Variants in NOPCHAP1 observed in about 807,000 individuals in gnomAD.
NOPCHAP1 encodes DNA damage-sensitive RNA 1.
NOPCHAP1 carries 13 observed loss-of-function variants against 14.0 expected under a neutral mutation model. That is an observed-to-expected ratio of 0.93 (90% confidence interval 0.60 to 1.47). The LOEUF is 1.47. Ranked by LOEUF, NOPCHAP1 falls within the 40% of genes most tolerant of loss-of-function variation. NOPCHAP1 has a pLI of 0.00. For synonymous variants in NOPCHAP1, 78 were observed against 78.4 expected (o/e 1.00, Z 0.03); for missense variants, 230 against 226.9 (o/e 1.01, Z -0.09).
chr12:104,994,237 C>G (rs1408319489), intron 3 of NOPCHAP1, among the ~76,000 whole-genome samples: 3 of 152,128 alleles, frequency 2.0e-5, no homozygotes, highest in Non-Finnish European at 4.4e-5. Context: ...CCCAGCTACT[C>G]AGGAGGCTGA....
chr12:104,988,208 A>C lies in NOPCHAP1; in HGVS notation c.157A>C (p.Arg53=), dbSNP rs780586509. 1 of 1,613,276 alleles carries C rather than the reference A, an allele frequency of 6.2e-7. No homozygotes were observed. Among genetic ancestry groups the C allele is most frequent in the Non-Finnish European group, 8.5e-7 (1 of 1,179,526 alleles). Residue 53 remains arginine, a synonymous_variant, in exon 2 of 4, where the codon AGA becomes CGA. Transcript: ENST00000552951. ...GCTCATCAACTCCCAACCTAAGTCC[A>C]GAAAGACCTCCACTCTTCAAACAGT... The part of the protein sequence containing the change: ...RLLINSQPKS[R]KTSTLQTVRI...
Position 105,007,889 on chromosome 12 carries a change from C to CT in NOPCHAP1, c.*13196dup, listed in dbSNP as rs1249712064. On this transcript the variant is annotated 3_prime_UTR_variant, in exon 4 of 4. Transcript: ENST00000552951. ...CCATGGTGTACATATGCCACATTTT[C>CT]TTTATCTAGTCTATCACTGATGGGC... is the stretch of plus-strand genomic sequence containing the variant. 3 of 152,218 alleles carry CT rather than the reference C, an allele frequency of 2.0e-5. No homozygotes were observed. The highest frequency in any genetic ancestry group is 7.2e-5 in the African/African-American group (3 of 41,442). 9.4% of individuals were successfully genotyped at this position (152,218 alleles called of 1,614,324 possible).
intron 1 of NOPCHAP1, 125 bp from the exon 2 acceptor site, chr12:104,988,042 A>C: frequency 3.2e-6 from 2 of 634,778 alleles, no homozygotes; most frequent in Non-Finnish European, 5.4e-6. Context: ...TCTCCTTTAA[A>C]AAAAAAATTT....
rs1454543414 is a variant in NOPCHAP1, at chr12:105,016,213, A to G, written c.*21517A>G. ...CGGATATCTCAGTAGTGAAAAGACT[A>G]TAGGAAATGAAGAAGTAATTCACAG... On this transcript the variant is annotated 3_prime_UTR_variant, in exon 4 of 4. Transcript: ENST00000552951. The G allele has an allele frequency of 1.3e-5, 2 of 151,914 alleles. No homozygotes were observed. Among genetic ancestry groups the G allele is most frequent in the African/African-American group, 2.4e-5 (1 of 41,176 alleles). 9.4% of individuals were successfully genotyped at this position (151,914 alleles called of 1,614,324 possible). A position where few individuals can be genotyped will look rare whatever the true frequency, so the allele number is the denominator to read the frequency against.
chr12:105,001,052 T>A lies in NOPCHAP1; in HGVS notation c.*6356T>A, dbSNP rs892007256. On this transcript the variant is annotated 3_prime_UTR_variant, in exon 4 of 4. Transcript: ENST00000552951. ...TAACTTTACCAATTTCAGTTTAAAGTTTCATTTGTTCTTTTGAGCTTTCCA... is the reference window on the plus strand; with the variant it reads ...TAACTTTACCAATTTCAGTTTAAAGATTCATTTGTTCTTTTGAGCTTTCCA... 1.3e-5 allele frequency: 2 copies of A among 151,788 alleles called. No homozygotes were observed. The highest frequency in any genetic ancestry group is 2.9e-5 in the Non-Finnish European group (2 of 67,966). 9.4% of individuals were successfully genotyped at this position (151,788 alleles called of 1,614,324 possible). A position where few individuals can be genotyped will look rare whatever the true frequency, so the allele number is the denominator to read the frequency against.
At chr12:104,986,565 T>G in intron 1 of NOPCHAP1, 98 bp downstream of exon 1, 1 of 1,019,888 alleles carries the variant, frequency 9.8e-7, no homozygotes, top group Non-Finnish European at 1.4e-6. Flanking sequence ...CTGCCCGGGC[T>G]CCGTACCCTC....
Position 104,995,931 on chromosome 12 carries a change from A to G in NOPCHAP1, c.*1235A>G. The G allele has an allele frequency of 6.7e-6, 1 of 149,066 alleles. No homozygotes were observed. Among genetic ancestry groups the G allele is most frequent in the Non-Finnish European group, 1.5e-5 (1 of 67,296 alleles). The allele number at this position is 149,066 out of a possible 1,614,324, so 9.2% of individuals were successfully genotyped here. A position where few individuals can be genotyped will look rare whatever the true frequency, so the allele number is the denominator to read the frequency against. ...TCTCAATCTCCTGACCTCGTGTTCC[A>G]CCCTTCTTGACCTGCCAAAGTGTTG... On this transcript the variant is annotated 3_prime_UTR_variant, in exon 4 of 4. Coordinates refer to ENST00000552951, the MANE Select transcript of NOPCHAP1 (RefSeq NM_152318.3).
rs1184169984 is a variant in NOPCHAP1, at chr12:104,999,813, G to T, written c.*5117G>T. The T allele has an allele frequency of 6.6e-6, 1 of 152,414 alleles. No homozygotes were observed. Among genetic ancestry groups the T allele is most frequent in the Non-Finnish European group, 1.5e-5 (1 of 68,240 alleles). 9.4% of individuals were successfully genotyped at this position (152,414 alleles called of 1,614,324 possible). ...TGCTCAACTCACCCCTTTTCCAGGAGTCGGGGGCCAGGAACGAGTCTTAGT... is the reference window on the plus strand; with the variant it reads ...TGCTCAACTCACCCCTTTTCCAGGATTCGGGGGCCAGGAACGAGTCTTAGT... On this transcript the variant is annotated 3_prime_UTR_variant, in exon 4 of 4. Coordinates refer to ENST00000552951, the MANE Select transcript of NOPCHAP1 (RefSeq NM_152318.3).
rs1329112370 is a variant in NOPCHAP1 at position 105,016,069 on chromosome 12, T to C, written c.*21373T>C. 1 of 151,044 alleles carries C rather than the reference T, an allele frequency of 6.6e-6. No homozygotes were observed. Among genetic ancestry groups the C allele is most frequent in the Non-Finnish European group, 1.5e-5 (1 of 67,818 alleles). 9.4% of individuals were successfully genotyped at this position (151,044 alleles called of 1,614,324 possible). A position where few individuals can be genotyped will look rare whatever the true frequency, so the allele number is the denominator to read the frequency against. ...AGTGGAAAATTCATCCCCATAAATATTAAAAACTAGTGTGTTGCAAATAAA... is the reference window on the plus strand; with the variant it reads ...AGTGGAAAATTCATCCCCATAAATACTAAAAACTAGTGTGTTGCAAATAAA... On this transcript the variant is annotated 3_prime_UTR_variant, in exon 4 of 4. Coordinates refer to ENST00000552951, the MANE Select transcript of NOPCHAP1 (RefSeq NM_152318.3).
At chr12:104,990,602 A>G in intron 2 of NOPCHAP1, among the ~76,000 whole-genome samples, 1 of 152,176 alleles carries the variant, frequency 6.6e-6, no homozygotes, top group Non-Finnish European at 1.5e-5. Context: ...TTATGTAGCC[A>G]TAGCAGTTAC....
chr12:105,003,666 C>G lies in NOPCHAP1; in HGVS notation c.*8970C>G. On this transcript the variant is annotated 3_prime_UTR_variant, in exon 4 of 4. Coordinates refer to ENST00000552951, the MANE Select transcript of NOPCHAP1 (RefSeq NM_152318.3). ...ACACCAAAAACTTAATTGTTAAAAC[C>G]TCTAGACAAATTAAATTTAACAGTT... 1 of 151,986 alleles carries G rather than the reference C, an allele frequency of 6.6e-6. No individual in the cohort carries two copies. The highest frequency in any genetic ancestry group is 1.5e-5 in the Non-Finnish European group (1 of 67,910). 9.4% of individuals were successfully genotyped at this position (151,986 alleles called of 1,614,324 possible).
At chr12:104,991,343 A>C (rs976143767) in intron 2 of NOPCHAP1, among the ~76,000 whole-genome samples, 1 of 152,236 alleles carries the variant, frequency 6.6e-6, no homozygotes, top group African/African-American at 2.4e-5. Context: ...AAGGTAATTC[A>C]GATAGAGGTA....
chr12:104,999,573 C>A lies in NOPCHAP1; in HGVS notation c.*4877C>A, dbSNP rs1406765294. On this transcript the variant is annotated 3_prime_UTR_variant, in exon 4 of 4. Coordinates refer to ENST00000552951, the MANE Select transcript of NOPCHAP1 (RefSeq NM_152318.3). ...GATAGTTCCTCTAGGGTTGAAGTCT[C>A]TTAGGGGAGCAAGGTGAGTCATGGG... 1 of 152,342 alleles carries A rather than the reference C, an allele frequency of 6.6e-6. No homozygotes were observed. Among genetic ancestry groups the A allele is most frequent in the Non-Finnish European group, 1.5e-5 (1 of 68,184 alleles). 9.4% of individuals were successfully genotyped at this position (152,342 alleles called of 1,614,324 possible). A position where few individuals can be genotyped will look rare whatever the true frequency, so the allele number is the denominator to read the frequency against.
In NOPCHAP1 at chr12:105,001,930, G is replaced by A. The variant is rs1873618708; in HGVS notation, c.*7234G>A. The stretch of plus-strand genomic sequence containing the variant: ...GTACTTTGAGTTGCTGTTTATCCAT[G>A]TTTATTTAAAGGTATTATGGGGAGC... On this transcript the variant is annotated 3_prime_UTR_variant, in exon 4 of 4. Transcript: ENST00000552951. The A allele has an allele frequency of 1.3e-5, 2 of 151,896 alleles. No homozygotes were observed. The highest frequency in any genetic ancestry group is 4.8e-5 in the African/African-American group (2 of 41,334). 9.4% of individuals were successfully genotyped at this position (151,896 alleles called of 1,614,324 possible). A position where few individuals can be genotyped will look rare whatever the true frequency, so the allele number is the denominator to read the frequency against.
In NOPCHAP1 at chr12:105,008,810, T is replaced by C. The variant is rs912672936; in HGVS notation, c.*14114T>C. On this transcript the variant is annotated 3_prime_UTR_variant, in exon 4 of 4. Transcript: ENST00000552951. ...ATGGTTGTAGATGTGTGGTATTATT[T>C]CTGAGGCCTCTGTTCTGTTCTGTTG... 5.3e-5 allele frequency: 8 copies of C among 152,182 alleles called. No homozygotes were observed. The highest frequency in any genetic ancestry group is 1.9e-4 in the African/African-American group (8 of 41,450). The allele number at this position is 152,182 out of a possible 1,614,324, so 9.4% of individuals were successfully genotyped here.
At position 105,011,243 on chromosome 12, in the gene NOPCHAP1, T is replaced by C. The variant is rs1375729900; in HGVS notation, c.*16547T>C. On this transcript the variant is annotated 3_prime_UTR_variant, in exon 4 of 4. Coordinates refer to ENST00000552951, the MANE Select transcript of NOPCHAP1 (RefSeq NM_152318.3). ...TACCATTATGTAATGCCCTTCTTTG[T>C]CTTTTTTGATCTTTGTTGGTTTAAA... The C allele has an allele frequency of 6.6e-6, 1 of 152,246 alleles. No individual in the cohort carries two copies. Among genetic ancestry groups the C allele is most frequent in the Non-Finnish European group, 1.5e-5 (1 of 68,042 alleles). 9.4% of individuals were successfully genotyped at this position (152,246 alleles called of 1,614,324 possible). A position where few individuals can be genotyped will look rare whatever the true frequency, so the allele number is the denominator to read the frequency against.
chr12:104,990,146 C>CT (rs1453845696), intron 2 of NOPCHAP1, among the ~76,000 whole-genome samples: 5 of 152,138 alleles, frequency 3.3e-5, no homozygotes, highest in Non-Finnish European at 7.4e-5. Context: ...AGATGTTGGA[C>CT]ATTTTGAATA....
At position 105,007,059 on chromosome 12, in the gene NOPCHAP1, A is replaced by G. The variant is rs1212301783; in HGVS notation, c.*12363A>G. Reference sequence around the variant, plus strand: ...TTTTTTTTTAAGTCAAACCTCTAAAATTATCAAAGCATCTTATGCTGGCAT... The same window carrying G: ...TTTTTTTTTAAGTCAAACCTCTAAAGTTATCAAAGCATCTTATGCTGGCAT... On this transcript the variant is annotated 3_prime_UTR_variant, in exon 4 of 4. Transcript: ENST00000552951. 1 of 151,292 alleles carries G rather than the reference A, an allele frequency of 6.6e-6. No individual in the cohort carries two copies. Among genetic ancestry groups the G allele is most frequent in the Non-Finnish European group, 1.5e-5 (1 of 67,846 alleles). The allele number at this position is 151,292 out of a possible 1,614,324, so 9.4% of individuals were successfully genotyped here.
chr12:104,996,095 G>GGGAAGCTATTT lies in NOPCHAP1; in HGVS notation c.*1405_*1415dup, dbSNP rs1565939719. ...TAGGAGGTATTTATGGGGACTTTTGGGGAAGCTATTTGGAAGGCAGGATTG... is the reference window on the plus strand; with the variant it reads ...TAGGAGGTATTTATGGGGACTTTTGGGGAAGCTATTTGGAAGCTATTTGGAAGGCAGGATTG... On this transcript the variant is annotated 3_prime_UTR_variant, in exon 4 of 4. Transcript: ENST00000552951. 1 of 152,092 alleles carries GGGAAGCTATTT rather than the reference G, an allele frequency of 6.6e-6. No individual in the cohort carries two copies. The highest frequency in any genetic ancestry group is 6.5e-5 in the Admixed American group (1 of 15,276). 9.4% of individuals were successfully genotyped at this position (152,092 alleles called of 1,614,324 possible). A position where few individuals can be genotyped will look rare whatever the true frequency, so the allele number is the denominator to read the frequency against.
Sources: gnomAD v4.1 joint callset for allele counts (sites outside exome capture counted in the v4.1 genomes callset) on GRCh38, gnomAD v4.1.1 for gene constraint, MANE v1.5 for transcripts, NCBI Gene and HGNC (gene_info 2026-07-23, HGNC 2026-07-21) for gene names.